GHR: variants seen among roughly 807,000 people sequenced by gnomAD.
GHR encodes the protein GH receptor.
GHR carries 35 observed loss-of-function variants against 67.1 expected under a neutral mutation model. The observed-to-expected ratio is 0.52, with a 90% CI of 0.40 to 0.69. The LOEUF (loss-of-function observed/expected upper bound fraction) is 0.69. Ranked by LOEUF, GHR falls within the 30% of genes least tolerant of loss-of-function variation. The pLI is 0.00. For missense variants in GHR, 792 were observed against 764.6 expected (o/e 1.04, Z -0.42); for synonymous variants, 272 against 269.1 (o/e 1.01, Z -0.10).
chr5:42,629,753 T>C (rs1041230667), intron 3 of GHR, among the ~76,000 whole-genome samples: 1 of 131,468 alleles, frequency 7.6e-6, no homozygotes, highest in South Asian at 2.4e-4. Context: ...GAGGAAATGA[T>C]ACATCATGGA....
chr5:42,691,235 G>A (rs1212013014), intron 4 of GHR, among the ~76,000 whole-genome samples: 1 of 152,246 alleles, frequency 6.6e-6, no homozygotes, highest in Admixed American at 6.5e-5. Context: ...CCCTGGTAGT[G>A]TTTGGAATCC....
intron 2 of GHR, among the ~76,000 whole-genome samples, chr5:42,598,557 A>T (rs78053023): frequency 9.1e-4 from 138 of 152,342 alleles, no homozygotes; most frequent in African/African-American, 3.3e-3. Context: ...CCAAAACAGT[A>T]GTCTTCATAT....
chr5:42,572,216 G>A (rs573204745), intron 2 of GHR, among the ~76,000 whole-genome samples: 8 of 152,250 alleles, frequency 5.3e-5, no homozygotes, highest in Non-Finnish European at 1.2e-4. Context: ...CATCAATAAA[G>A]ACATTTTTGG....
chr5:42,572,020 A>G (rs1429112567), intron 2 of GHR, among the ~76,000 whole-genome samples: 1 of 152,220 alleles, frequency 6.6e-6, no homozygotes, highest in East Asian at 1.9e-4. Context: ...CCCTACAACA[A>G]GGGGCCCAGG....
At chr5:42,466,884 T>TAACAAG in intron 1 of GHR, 1 of 1,467,634 alleles carries the variant, frequency 6.8e-7, no homozygotes, top group Non-Finnish European at 9.1e-7. Context: ...TCTTCCTTAC[T>TAACAAG]TGTTGTTCAA....
At chr5:42,457,896 C>T (rs974725979) in intron 1 of GHR, among the ~76,000 whole-genome samples, 1 of 152,166 alleles carries the variant, frequency 6.6e-6, no homozygotes, top group African/African-American at 2.4e-5. Context: ...CCACATGAAC[C>T]TACTAGCCTC....
At chr5:42,522,444 T>C (rs1391415440) in intron 1 of GHR, among the ~76,000 whole-genome samples, 1 of 152,208 alleles carries the variant, frequency 6.6e-6, no homozygotes, top group Non-Finnish European at 1.5e-5. Context: ...AATAGGTGCA[T>C]CTTCCTGTCA....
intron 8 of GHR, among the ~76,000 whole-genome samples, chr5:42,717,442 G>A (rs1212427435): frequency 6.6e-6 from 1 of 152,182 alleles, no homozygotes; most frequent in Non-Finnish European, 1.5e-5. Flanking sequence ...TCCTAGAATT[G>A]TATATATAAA....
chr5:42,579,157 TAGATA>T (rs1751008521), intron 2 of GHR, among the ~76,000 whole-genome samples: 1 of 80,986 alleles, frequency 1.2e-5, no homozygotes, highest in Non-Finnish European at 2.9e-5. Flanking sequence ...TAGATATAGA[TAGATA>T]GATAGATAGA....
intron 1 of GHR, chr5:42,465,711 A>G: frequency 3.3e-6 from 3 of 899,018 alleles, no homozygotes; most frequent in Non-Finnish European, 5.7e-6. Context: ...GAAAAAAAAG[A>G]TCTATCACTT....
At chr5:42,468,692 C>T (rs1579756420) in intron 1 of GHR, 2 of 989,722 alleles carry the variant, frequency 2.0e-6, no homozygotes, top group East Asian at 2.5e-5. Context: ...TGGAGTTGGT[C>T]TGGGTCGCAG....
chr5:42,661,038 T>C (rs1755583038), intron 3 of GHR, among the ~76,000 whole-genome samples: 1 of 151,754 alleles, frequency 6.6e-6, no homozygotes, highest in South Asian at 2.1e-4. Flanking sequence ...TGAAATGAAG[T>C]GAGAAGGGAA....
chr5:42,719,953 A>T lies in GHR; in HGVS notation c.*529A>T. ...TATGTAAAACATTTATTTTGACATAAAGTTGATAAAGATTTTTTAATAATT... is the reference window on the plus strand; with the variant it reads ...TATGTAAAACATTTATTTTGACATATAGTTGATAAAGATTTTTTAATAATT... On this transcript the variant is annotated 3_prime_UTR_variant, in exon 10 of 10. Coordinates refer to ENST00000230882, the MANE Select transcript of GHR (RefSeq NM_000163.5). 8.0e-6 allele frequency: 1 copy of T among 124,252 alleles called. No homozygotes were observed. The highest frequency in any genetic ancestry group is 1.8e-4 in the South Asian group (1 of 5,414). The allele number at this position is 124,252 out of a possible 1,614,324, so 7.7% of individuals were successfully genotyped here. A position where few individuals can be genotyped will look rare whatever the true frequency, so the allele number is the denominator to read the frequency against.
intron 4 of GHR, among the ~76,000 whole-genome samples, chr5:42,690,154 T>C (rs893445544): frequency 6.6e-6 from 1 of 152,232 alleles, no homozygotes; most frequent in African/African-American, 2.4e-5. Flanking sequence ...TATCCTTGGC[T>C]CAAGGTGTTC....
At chr5:42,563,511 G>T (rs1363171528) in intron 1 of GHR, among the ~76,000 whole-genome samples, 1 of 151,746 alleles carries the variant, frequency 6.6e-6, no homozygotes, top group Non-Finnish European at 1.5e-5. Context: ...CCAGCTACTC[G>T]GGAGGCTGAG....
At chr5:42,715,280 G>C (rs903057722) in intron 8 of GHR, among the ~76,000 whole-genome samples, 3 of 152,174 alleles carry the variant, frequency 2.0e-5, no homozygotes, top group Non-Finnish European at 2.9e-5. Context: ...GTGGGAAATA[G>C]TAGCAAATAT....
In GHR at chr5:42,615,267, A is replaced by T. The variant is rs999365328; in HGVS notation, c.71-13771A>T. 3.3e-5 allele frequency among the ~76,000 whole-genome samples: 5 copies of T among 151,970 alleles called. No individual in the cohort carries two copies. In the East Asian group the frequency reaches 5.8e-4, roughly 18 times the overall value. Reference sequence around the variant, plus strand: ...GATTTTTTTTCTAGCTTTACCAGCGACCTATACTTTCATTTCTTCATGTTA... The same window carrying T: ...GATTTTTTTTCTAGCTTTACCAGCGTCCTATACTTTCATTTCTTCATGTTA... On this transcript the variant is annotated intron_variant, in intron 2 of 9. Transcript: ENST00000230882.
chr5:42,530,010 T>C (rs1467548691), intron 1 of GHR, among the ~76,000 whole-genome samples: 1 of 149,484 alleles, frequency 6.7e-6, no homozygotes, highest in South Asian at 2.1e-4. Flanking sequence ...TTTTTTTTTT[T>C]TTTTTTTTTT....
At position 42,719,636 on chromosome 5, in the gene GHR, A is replaced by C. The variant is rs982013845; in HGVS notation, c.*212A>C. Reference sequence around the variant, plus strand: ...ATAGATATTCCTATTGTGCAATGTAAATATTTTAAAGAATTGTGTCAGACT... The same window carrying C: ...ATAGATATTCCTATTGTGCAATGTACATATTTTAAAGAATTGTGTCAGACT... On this transcript the variant is annotated 3_prime_UTR_variant, in exon 10 of 10. Coordinates refer to ENST00000230882, the MANE Select transcript of GHR (RefSeq NM_000163.5). 2 of 568,862 alleles carry C rather than the reference A, an allele frequency of 3.5e-6. No individual in the cohort carries two copies. Among genetic ancestry groups the C allele is most frequent in the Non-Finnish European group, 3.2e-6 (1 of 316,212 alleles). The allele number at this position is 568,862 out of a possible 1,614,324, so 35.2% of individuals were successfully genotyped here. A position where few individuals can be genotyped will look rare whatever the true frequency, so the allele number is the denominator to read the frequency against.
Sources: allele counts gnomAD v4.1 joint callset (sites outside exome capture counted in the v4.1 genomes callset), GRCh38; gene constraint gnomAD v4.1.1; transcripts MANE v1.5; gene names NCBI Gene and HGNC (gene_info 2026-07-23, HGNC 2026-07-21).